SPIC: variants seen among roughly 807,000 people sequenced by gnomAD.
SPIC encodes transcription factor Spi-C.
SPIC carries 9 observed loss-of-function variants against 16.7 expected under a neutral mutation model. The observed-to-expected ratio is 0.54, with a 90% CI of 0.33 to 0.94. The LOEUF is 0.94. Among genes scored for constraint, SPIC ranks in the 40% least tolerant of loss-of-function variants. The pLI is 0.03. For synonymous variants in SPIC, 97 were observed against 102.9 expected, an observed-to-expected ratio of 0.94 and a Z score of 0.35; for missense variants, 241 against 285.8, an observed-to-expected ratio of 0.84 and a Z score of 1.13.
At position 101,479,665 on chromosome 12, in the gene SPIC, G is replaced by GCAAC; in HGVS notation, c.181_182insCAAC (p.Glu61AlafsTer6). 6.2e-7 allele frequency: 1 copy of GCAAC among 1,613,554 alleles called. No individual in the cohort carries two copies. The highest frequency in any genetic ancestry group is 8.5e-7 in the Non-Finnish European group (1 of 1,179,630). On this transcript the variant is annotated frameshift_variant, in exon 4 of 6. Transcript: ENST00000551346. LOFTEE classifies it high-confidence loss of function. The stretch of plus-strand genomic sequence containing the variant: ...CTGCTATGGAGTGTTGCCTACAGAG[G>GCAAC]AGCCTGTCTATAATTGGAGAACGGT...
intron 4 of SPIC, among the ~76,000 whole-genome samples, chr12:101,480,160 A>C (rs1021034934): frequency 6.6e-6 from 1 of 152,230 alleles, no homozygotes; most frequent in African/African-American, 2.4e-5. Flanking sequence ...TGAACTTGAC[A>C]GTCAACATGG....
chr12:101,483,590 A>T (rs2121261959), intron 5 of SPIC, among the ~76,000 whole-genome samples: 1 of 152,092 alleles, frequency 6.6e-6, no homozygotes, highest in East Asian at 1.9e-4. Flanking sequence ...GGTGATAGGA[A>T]TTTTTCAGCT....
At chr12:101,476,933 T>A in intron 2 of SPIC, 26 bp downstream of exon 2, 1 of 1,445,444 alleles carries the variant, frequency 6.9e-7, no homozygotes, top group Non-Finnish European at 9.2e-7. Flanking sequence ...AATATTTTCT[T>A]TACTCTGTCC....
intron 4 of SPIC, among the ~76,000 whole-genome samples, chr12:101,480,248 C>G (rs77796332): frequency 1.3e-5 from 2 of 152,254 alleles, no homozygotes; most frequent in Non-Finnish European, 2.9e-5. Flanking sequence ...TGGATGACTT[C>G]GTAAAAAGGA....
chr12:101,479,527 T>A, intron 3 of SPIC, 55 bp from the exon 4 acceptor site: 1 of 1,387,414 alleles, frequency 7.2e-7, no homozygotes, highest in Non-Finnish European at 1.0e-6. Flanking sequence ...CACATATTTA[T>A]ATGCACAAAT....
At position 101,486,538 on chromosome 12, in the gene SPIC, G is replaced by A; in HGVS notation, c.514G>A (p.Ala172Thr). The change falls in exon 6 of 6, where the codon GCA becomes ACA. Residue 172 changes from alanine to threonine, a missense_variant. Transcript: ENST00000551346. ...KTMTYQKMAR[A>T]LRNYGRSGEI... ...CATGACTTACCAGAAAATGGCCAGG[G>A]CACTCAGAAATTACGGAAGAAGTGG... 2 of 1,614,164 alleles carry A rather than the reference G, an allele frequency of 1.2e-6. No homozygotes were observed. The highest frequency in any genetic ancestry group is 1.7e-6 in the Non-Finnish European group (2 of 1,180,036).
chr12:101,481,982 C>T (rs553517655), intron 4 of SPIC, among the ~76,000 whole-genome samples: 1 of 130,260 alleles, frequency 7.7e-6, no homozygotes, highest in South Asian at 2.9e-4. Flanking sequence ...GTGTCTCATG[C>T]CTGTAATCCC....
intron 5 of SPIC, among the ~76,000 whole-genome samples, chr12:101,485,661 C>T (rs1353836289): frequency 1.3e-5 from 2 of 152,288 alleles, no homozygotes; most frequent in East Asian, 3.9e-4. Flanking sequence ...CATTTACATC[C>T]CTTAACTCAT....
rs193189774 is a variant in SPIC, at chr12:101,476,202, G to T, written c.-77-626G>T. On this transcript the variant is annotated intron_variant, in intron 1 of 5. Coordinates refer to ENST00000551346, the MANE Select transcript of SPIC (RefSeq NM_152323.3). Reference sequence around the variant, plus strand: ...TCCCTGTGTTGGTCTATAGAACGTAGAGTTAAAAGCATTTAATTGTGGGTC... The same window carrying T: ...TCCCTGTGTTGGTCTATAGAACGTATAGTTAAAAGCATTTAATTGTGGGTC... Among the ~76,000 whole-genome samples the T allele has an allele frequency of 2.0e-5, 3 of 152,272 alleles. No homozygotes were observed. The East Asian group carries it at 5.8e-4, about 29-fold the overall frequency.
chr12:101,483,566 TAC>T (rs1338983317), intron 5 of SPIC, among the ~76,000 whole-genome samples: 120 of 152,250 alleles, frequency 7.9e-4, no homozygotes, highest in African/African-American at 2.6e-3. Context: ...AAAACATATA[TAC>T]AGTAGATACT....
chr12:101,478,012 TTTTTTTCTTTTTTC>T (rs1233153142), intron 3 of SPIC, among the ~76,000 whole-genome samples: 37 of 151,880 alleles, frequency 2.4e-4, no homozygotes, highest in East Asian at 1.9e-4. Flanking sequence ...GAGAAGACCT[TTTTTTTCTTTTTTC>T]TTTTTTCTTT....
At chr12:101,481,580 G>T (rs1873199477) in intron 4 of SPIC, among the ~76,000 whole-genome samples, 2 of 151,184 alleles carry the variant, frequency 1.3e-5, no homozygotes, top group Admixed American at 1.3e-4. Context: ...TGTGATCTCG[G>T]CTCACTGCAT....
At chr12:101,485,060 A>G (rs1873326507) in intron 5 of SPIC, among the ~76,000 whole-genome samples, 1 of 152,142 alleles carries the variant, frequency 6.6e-6, no homozygotes, top group Non-Finnish European at 1.5e-5. Flanking sequence ...CATAAACTCA[A>G]GATAATATAA....
intron 4 of SPIC, among the ~76,000 whole-genome samples, chr12:101,480,582 T>A (rs548855120): frequency 6.6e-6 from 1 of 152,358 alleles, no homozygotes; most frequent in Non-Finnish European, 1.5e-5. Context: ...AAATGTGAAT[T>A]GGTTTTTATT....
In SPIC at chr12:101,477,614, G is replaced by A; in HGVS notation, c.60G>A (p.Leu20=). ...GQAFEDAFEV[L]RQHSTGDLQY... is the part of the protein sequence containing the mutation. ...CATTTGAAGATGCTTTTGAGGTTCT[G>A]AGGCAACATTCAACTGGAGATCTTC... Residue 20 remains leucine, a synonymous_variant, in exon 3 of 6, where the codon CTG becomes CTA. Coordinates refer to ENST00000551346, the MANE Select transcript of SPIC (RefSeq NM_152323.3). 1 of 1,613,550 alleles carries A rather than the reference G, an allele frequency of 6.2e-7. No homozygotes were observed. The highest frequency in any genetic ancestry group is 8.5e-7 in the Non-Finnish European group (1 of 1,179,912).
chr12:101,485,468 T>A (rs901852032), intron 5 of SPIC, among the ~76,000 whole-genome samples: 2 of 152,222 alleles, frequency 1.3e-5, no homozygotes, highest in African/African-American at 2.4e-5. Context: ...GCCCATTGCA[T>A]TGTTAAATGA....
chr12:101,484,861 C>G (rs1479298368), intron 5 of SPIC, among the ~76,000 whole-genome samples: 1 of 151,444 alleles, frequency 6.6e-6, no homozygotes, highest in Non-Finnish European at 1.5e-5. Context: ...GAGCGAGACT[C>G]CATCTCCAAA....
intron 4 of SPIC, 85 bp downstream of exon 4, chr12:101,479,779 C>A: frequency 3.1e-6 from 3 of 961,512 alleles, no homozygotes; most frequent in Non-Finnish European, 4.7e-6. Context: ...TGAAACCCAG[C>A]TTAAAGACAG....
chr12:101,483,699 C>A (rs920212696), intron 5 of SPIC, among the ~76,000 whole-genome samples: 1 of 151,950 alleles, frequency 6.6e-6, no homozygotes, highest in Non-Finnish European at 1.5e-5. Flanking sequence ...CCGACTCAAG[C>A]AATTCTCCTG....
Sources: gnomAD v4.1 joint callset for allele counts (sites outside exome capture counted in the v4.1 genomes callset) on GRCh38, gnomAD v4.1.1 for gene constraint, MANE v1.5 for transcripts, NCBI Gene and HGNC (gene_info 2026-07-23, HGNC 2026-07-21) for gene names.